The following PCDH9 variants were observed in gnomAD, a reference collection of about 807,000 sequenced individuals.
The protein encoded by PCDH9 is protocadherin 9, also known as protocadherin-9.
A neutral mutation model predicts 70.6 loss-of-function variants in PCDH9; 24 were observed. The ratio of observed to expected loss-of-function variants is 0.34; its 90% CI spans 0.25 to 0.48. The LOEUF (loss-of-function observed/expected upper bound fraction) is 0.48, where lower values mean the gene tolerates loss of function less well. PCDH9 is among the 20% of genes least tolerant of loss of function. The pLI, the probability that PCDH9 is intolerant of heterozygous loss-of-function variation, is 0.99. For synonymous variants in PCDH9, 562 were observed against 558.5 expected, an observed-to-expected ratio of 1.01 and a Z score of -0.09; for missense variants, 1,281 against 1,503.6, an observed-to-expected ratio of 0.85 and a Z score of 2.45.
intron 4 of PCDH9, among the ~76,000 whole-genome samples, chr13:66,358,676 T>C (rs576921261): frequency 2.4e-4 from 37 of 152,008 alleles, no homozygotes; most frequent in African/African-American, 7.2e-4. Context: ...GATGTAAGAG[T>C]AACAAATCTG....
chr13:66,390,857 G>T (rs972220264), intron 4 of PCDH9, among the ~76,000 whole-genome samples: 1 of 152,116 alleles, frequency 6.6e-6, no homozygotes, highest in Non-Finnish European at 1.5e-5. Context: ...ATGGAGAATT[G>T]GGACTAGCTT....
rs530012924 is a variant in PCDH9 at position 66,737,989 on chromosome 13, C to A, written c.3139-106578G>T. 5.3e-5 allele frequency among the ~76,000 whole-genome samples: 8 copies of A among 152,298 alleles called. No individual in the cohort carries two copies. In the East Asian group the frequency reaches 1.4e-3, roughly 26 times the overall value. On this transcript the variant is annotated intron_variant, in intron 3 of 4. Transcript: ENST00000377865. ...CCAGGAAGCTCGAACTGGGTGGAGC[C>A]CACCACAGCTCAAGGAGGCCTGCCT...
chr13:67,170,458 G>T (rs1034623975), intron 2 of PCDH9, among the ~76,000 whole-genome samples: 1 of 152,110 alleles, frequency 6.6e-6, no homozygotes, highest in African/African-American at 2.4e-5. Context: ...AAGGAGAATG[G>T]CTGCCTCAAA....
At chr13:66,621,284 C>T (rs1378287524) in intron 4 of PCDH9, among the ~76,000 whole-genome samples, 4 of 152,140 alleles carry the variant, frequency 2.6e-5, no homozygotes, top group Non-Finnish European at 4.4e-5. Context: ...ACTATAGAGA[C>T]CTTGTCTCTC....
chr13:66,833,739 A>G (rs922772089), intron 3 of PCDH9, among the ~76,000 whole-genome samples: 1 of 152,226 alleles, frequency 6.6e-6, no homozygotes, highest in Admixed American at 6.5e-5. Context: ...AAAAAATCAA[A>G]TGTTTGCAGA....
chr13:67,182,517 A>G (rs2088644443), intron 2 of PCDH9, among the ~76,000 whole-genome samples: 1 of 152,182 alleles, frequency 6.6e-6, no homozygotes, highest in Non-Finnish European at 1.5e-5. Flanking sequence ...AGTTCTACAC[A>G]TAGTAATCGA....
intron 4 of PCDH9, among the ~76,000 whole-genome samples, chr13:66,628,004 A>C (rs1261099056): frequency 6.6e-6 from 1 of 152,146 alleles, no homozygotes; most frequent in East Asian, 1.9e-4. Flanking sequence ...GCTAGGAAAA[A>C]TATATTTTTT....
At chr13:66,923,770 T>C (rs1420644612) in intron 2 of PCDH9, among the ~76,000 whole-genome samples, 1 of 151,728 alleles carries the variant, frequency 6.6e-6, no homozygotes, top group Non-Finnish European at 1.5e-5. Context: ...CCATTGCACT[T>C]TTCGATTACT....
At chr13:66,502,031 T>C (rs979131771) in intron 4 of PCDH9, among the ~76,000 whole-genome samples, 4 of 152,132 alleles carry the variant, frequency 2.6e-5, no homozygotes, top group African/African-American at 7.2e-5. Flanking sequence ...GAGAAACAGA[T>C]GCATTTTTGC....
At chr13:67,091,744 G>A (rs893847717) in intron 2 of PCDH9, among the ~76,000 whole-genome samples, 1 of 152,092 alleles carries the variant, frequency 6.6e-6, no homozygotes, top group Non-Finnish European at 1.5e-5. Flanking sequence ...AAATTCAATT[G>A]TGGTTCCAGT....
chr13:66,601,521 C>G (rs943467408), intron 4 of PCDH9, among the ~76,000 whole-genome samples: 2 of 146,330 alleles, frequency 1.4e-5, no homozygotes, highest in African/African-American at 4.9e-5. Flanking sequence ...GCTAACTAAT[C>G]AGGCCACACA....
intron 2 of PCDH9, among the ~76,000 whole-genome samples, chr13:66,970,116 AC>A (rs2083494034): frequency 6.6e-6 from 1 of 152,054 alleles, no homozygotes; most frequent in African/African-American, 2.4e-5. Flanking sequence ...ATCATCTCAC[AC>A]CTAGACAAGT....
chr13:67,127,387 C>T (rs961879966), intron 2 of PCDH9, among the ~76,000 whole-genome samples: 2 of 152,010 alleles, frequency 1.3e-5, no homozygotes, highest in Admixed American at 6.6e-5. Context: ...GGGATCTGCT[C>T]GTGGAGTGGT....
intron 4 of PCDH9, among the ~76,000 whole-genome samples, chr13:66,498,901 A>G (rs1003579192): frequency 3.4e-4 from 52 of 151,812 alleles, no homozygotes; most frequent in Non-Finnish European, 5.4e-4. Flanking sequence ...GAATTGAAAT[A>G]CAAGACCAGA....
chr13:66,697,288 A>C (rs886561930), intron 3 of PCDH9, among the ~76,000 whole-genome samples: 4 of 152,042 alleles, frequency 2.6e-5, no homozygotes, highest in Admixed American at 6.6e-5. Context: ...CTCCCCCCCC[A>C]AAAAATATTG....
intron 3 of PCDH9, among the ~76,000 whole-genome samples, chr13:66,801,484 C>T (rs1376035772): frequency 6.6e-6 from 1 of 152,082 alleles, no homozygotes; most frequent in African/African-American, 2.4e-5. Context: ...TTACATATTG[C>T]TGCAGGCATT....
intron 2 of PCDH9, among the ~76,000 whole-genome samples, chr13:67,012,994 G>A (rs1397291012): frequency 6.6e-6 from 1 of 151,840 alleles, no homozygotes; most frequent in Admixed American, 6.6e-5. Flanking sequence ...CTCAGACAAT[G>A]TGTCAATGTG....
At chr13:67,084,463 A>G (rs994048344) in intron 2 of PCDH9, among the ~76,000 whole-genome samples, 5 of 152,170 alleles carry the variant, frequency 3.3e-5, no homozygotes, top group Non-Finnish European at 7.4e-5. Context: ...TCCCCGCTTC[A>G]AGATACCTTG....
intron 4 of PCDH9, among the ~76,000 whole-genome samples, chr13:66,511,945 G>A (rs543255167): frequency 6.6e-6 from 1 of 152,132 alleles, no homozygotes; most frequent in African/African-American, 2.4e-5. Context: ...CTTGATAGCA[G>A]TGCAAGAACA....
Sources: gnomAD v4.1 joint callset for allele counts (sites outside exome capture counted in the v4.1 genomes callset) on GRCh38, gnomAD v4.1.1 for gene constraint, MANE v1.5 for transcripts, NCBI Gene and HGNC (gene_info 2026-07-23, HGNC 2026-07-21) for gene names.